The following ZNF581 variants were observed in gnomAD, a reference collection of about 807,000 sequenced individuals.
ZNF581 encodes zinc finger protein 581.
In ZNF581, 1 loss-of-function variant was observed where a neutral mutation model predicts 1.2. The observed-to-expected ratio is 0.83, with a 90% CI of 0.30 to 3.95. The LOEUF (loss-of-function observed/expected upper bound fraction) is 3.95. Ranked by LOEUF, ZNF581 falls within the 30% of genes most tolerant of loss-of-function variation. The probability of loss-of-function intolerance (pLI) is 0.18; values close to 1 mark genes in which losing one functional copy is unlikely to be tolerated. For missense variants in ZNF581, 273 were observed against 274.6 expected, an observed-to-expected ratio of 0.99 and a Z score of 0.04; for synonymous variants, 105 against 109.2, an observed-to-expected ratio of 0.96 and a Z score of 0.24.
At chr19:55,641,895 T>A, upstream of ZNF581, 1 of 234,314 alleles carries the variant, frequency 4.3e-6, no homozygotes, top group Non-Finnish European at 6.9e-6. Flanking sequence ...ATGTGGGGAA[T>A]TGGGTTAGTG....
At chr19:55,643,108 C>G (rs1982633821), upstream of ZNF581, 1 of 1,311,044 alleles carries the variant, frequency 7.6e-7, no homozygotes, top group Non-Finnish European at 9.7e-7. Flanking sequence ...CTCCCACACA[C>G]ACCCCCTGGC....
upstream of ZNF581, among the ~76,000 whole-genome samples, chr19:55,641,609 G>C (rs73058343): frequency 3.9e-3 from 587 of 152,150 alleles, 2 homozygotes; most frequent in Non-Finnish European, 6.9e-3. Context: ...GCGGAGTCCC[G>C]GAGCCTGGTG....
At chr19:55,640,594 G>A (rs1174995444), upstream of ZNF581, 1 of 985,316 alleles carries the variant, frequency 1.0e-6, no homozygotes, top group African/African-American at 1.7e-5. Context: ...CCATTTGCTG[G>A]GTGGAGAATC....
upstream of ZNF581, among the ~76,000 whole-genome samples, chr19:55,637,947 G>A (rs1188585369): frequency 6.6e-6 from 1 of 152,194 alleles, no homozygotes; most frequent in East Asian, 1.9e-4. Flanking sequence ...AGCAGTGGGG[G>A]TGGGGGTTGT....
At chr19:55,642,300 A>T (rs2123629114), upstream of ZNF581, 2 of 1,251,758 alleles carry the variant, frequency 1.6e-6, no homozygotes, top group East Asian at 6.4e-5. Context: ...TGCAGAGCTC[A>T]GTTGGAGGCC....
At chr19:55,640,903 C>G (rs1253659018), upstream of ZNF581, 3 of 985,148 alleles carry the variant, frequency 3.0e-6, no homozygotes, top group East Asian at 2.3e-4. Context: ...CCCACGCCTC[C>G]GGTCCCCTCC....
upstream of ZNF581, chr19:55,641,124 AGCCCGGGGCC>A (rs1041117201): frequency 1.2e-4 from 119 of 984,910 alleles, no homozygotes; most frequent in Admixed American, 4.3e-4. Flanking sequence ...CGCCAGGGGA[AGCCCGGGGCC>A]GCCCGGGACC....
Position 55,645,064 on chromosome 19 carries a change from C to G in ZNF581, c.493C>G (p.Arg165Gly), listed in dbSNP as rs761539837. The G allele has an allele frequency of 6.4e-7, 1 of 1,569,198 alleles. No individual in the cohort carries two copies. Among genetic ancestry groups the G allele is most frequent in the Admixed American group, 1.8e-5 (1 of 56,992 alleles). Reference sequence around the variant, plus strand: ...TGCGGGTGAGCTGGCCCAGCACAGCCGGGTGCACTCTGGGGAACGCCCGTT... The same window carrying G: ...TGCGGGTGAGCTGGCCCAGCACAGCGGGGTGCACTCTGGGGAACGCCCGTT... ...RDAGELAQHS[R>G]VHSGERPFQC... The change falls in exon 2 of 2, where the codon CGG (arginine) becomes GGG (glycine). Residue 165 changes from arginine to glycine, a missense_variant. By Grantham distance (125) the Arg-to-Gly change is moderately radical. Coordinates refer to ENST00000270451, the MANE Select transcript of ZNF581 (RefSeq NM_016535.4).
chr19:55,638,814 C>T (rs1167358552), upstream of ZNF581, among the ~76,000 whole-genome samples: 2 of 151,856 alleles, frequency 1.3e-5, no homozygotes, highest in African/African-American at 4.8e-5. Flanking sequence ...ATGGTGAAAC[C>T]TGTCTCTACC....
At chr19:55,640,866 C>T, upstream of ZNF581, 2 of 985,452 alleles carry the variant, frequency 2.0e-6, no homozygotes, top group Non-Finnish European at 2.4e-6. Flanking sequence ...GGAGCGGGGC[C>T]GCCGGGGGCG....
At chr19:55,642,674 A>C, upstream of ZNF581, 1 of 1,426,646 alleles carries the variant, frequency 7.0e-7, no homozygotes, top group Non-Finnish European at 9.2e-7. Flanking sequence ...CCACCTCCTC[A>C]TCGACGCCAA....
At chr19:55,641,249 G>A, upstream of ZNF581, 2 of 942,714 alleles carry the variant, frequency 2.1e-6, no homozygotes, top group Non-Finnish European at 2.5e-6. Context: ...GCAGGCTGGG[G>A]GAGTGCGCTG....
chr19:55,645,042 G>T lies in ZNF581; in HGVS notation c.471G>T (p.Ala157=), dbSNP rs761741315. The T allele has an allele frequency of 1.6e-5, 26 of 1,586,248 alleles. No homozygotes were observed. The East Asian group carries it at 4.7e-4, about 29-fold the overall frequency. Residue 157 remains alanine (A), a synonymous_variant, in exon 2 of 2, where the codon GCG becomes GCT. Coordinates refer to ENST00000270451, the MANE Select transcript of ZNF581 (RefSeq NM_016535.4). ...TCTGCCCTCGCCGCTTCCGGGATGC[G>T]GGTGAGCTGGCCCAGCACAGCCGGG... The part of the protein sequence containing the change: ...CPLCPRRFRD[A]GELAQHSRVH...
chr19:55,642,662 C>T (rs1190883018), upstream of ZNF581: 2 of 1,427,190 alleles, frequency 1.4e-6, no homozygotes, highest in Non-Finnish European at 1.8e-6. Context: ...GCGGCTGGGC[C>T]GCCACCTCCT....
upstream of ZNF581, chr19:55,642,613 C>G: frequency 6.2e-6 from 9 of 1,456,158 alleles, no homozygotes; most frequent in Non-Finnish European, 8.1e-6. Flanking sequence ...CGGAAGGCCC[C>G]TCCTCCACTC....
chr19:55,638,366 G>A (rs1223224984), upstream of ZNF581, among the ~76,000 whole-genome samples: 1 of 152,296 alleles, frequency 6.6e-6, no homozygotes, highest in East Asian at 1.9e-4. Flanking sequence ...AGCCTCCCAA[G>A]TAGCTGGGAC....
In ZNF581 at chr19:55,644,621, T is replaced by C; in HGVS notation, c.50T>C (p.Val17Ala). The C allele has an allele frequency of 6.2e-7, 1 of 1,609,666 alleles. No individual in the cohort carries two copies. Among genetic ancestry groups the C allele is most frequent in the Non-Finnish European group, 8.5e-7 (1 of 1,177,952 alleles). ...PCPQPLAFSS[V>A]ETMEGPPRRT... Reference sequence around the variant, plus strand: ...CCTCAGCCTCTGGCATTTTCCTCCGTTGAGACCATGGAGGGCCCTCCCCGT... The same window carrying C: ...CCTCAGCCTCTGGCATTTTCCTCCGCTGAGACCATGGAGGGCCCTCCCCGT... Residue 17 changes from valine (V) to alanine (A), a missense_variant, in exon 2 of 2, where the codon GTT (valine) becomes GCT (alanine). Coordinates refer to ENST00000270451, the MANE Select transcript of ZNF581 (RefSeq NM_016535.4). The surrounding 1 kb of genome is among the most constrained non-coding windows in gnomAD (Gnocchi z 4.3).
chr19:55,640,669 G>A (rs1314104460), upstream of ZNF581: 2 of 985,482 alleles, frequency 2.0e-6, no homozygotes, highest in South Asian at 4.7e-5. Context: ...TTGCTCAGCC[G>A]GCAGGAACAT....
exon 1 of ZNF581, chr19:55,635,572 T>G (rs1245071491): frequency 1.4e-6 from 1 of 691,584 alleles, no homozygotes; most frequent in African/African-American, 1.9e-5. Context: ...CGCTGGACCG[T>G]TGAGAGGATT....
Sources: gnomAD v4.1 joint callset for allele counts (sites outside exome capture counted in the v4.1 genomes callset) on GRCh38, gnomAD v4.1.1 for gene constraint, Gnocchi (gnomAD v3.1) non-coding constraint, MANE v1.5 for transcripts, NCBI Gene and HGNC (gene_info 2026-07-23, HGNC 2026-07-21) for gene names.